Variants in CD163 observed in about 807,000 individuals in gnomAD.
CD163 encodes the protein CD163 molecule.
CD163 carries 64 observed loss-of-function variants against 129.2 expected under a neutral mutation model. The observed-to-expected ratio is 0.50, with a 90% CI of 0.41 to 0.61. The LOEUF (loss-of-function observed/expected upper bound fraction) is 0.61, where lower values mean the gene tolerates loss of function less well. Ranked by LOEUF, CD163 falls within the 20% of genes least tolerant of loss-of-function variation. The probability of loss-of-function intolerance (pLI) is 0.00; values close to 1 mark genes in which losing one functional copy is unlikely to be tolerated. For missense variants in CD163, 1,061 were observed against 1,377.9 expected (o/e 0.77, Z 3.64); for synonymous variants, 446 against 478.5 (o/e 0.93, Z 0.89).
intron 4 of CD163, among the ~76,000 whole-genome samples, chr12:7,497,805 T>C (rs1949422950): frequency 6.6e-6 from 1 of 152,204 alleles, no homozygotes; most frequent in Admixed American, 6.5e-5. Flanking sequence ...ACTGGGGGCC[T>C]AGAGAAATGT....
At chr12:7,476,538 A>C (rs1019334940) in intron 16 of CD163, among the ~76,000 whole-genome samples, 2 of 152,240 alleles carry the variant, frequency 1.3e-5, no homozygotes, top group African/African-American at 4.8e-5. Flanking sequence ...AACCATATGC[A>C]GAAAACAGAA....
chr12:7,503,026 A>G (rs1362603210), intron 1 of CD163, among the ~76,000 whole-genome samples: 1 of 152,184 alleles, frequency 6.6e-6, no homozygotes, highest in African/African-American at 2.4e-5. Context: ...AATTATATCT[A>G]TCATGTTCAC....
chr12:7,493,271 G>C (rs763987051), intron 6 of CD163, among the ~76,000 whole-genome samples: 2 of 152,254 alleles, frequency 1.3e-5, no homozygotes, highest in East Asian at 3.9e-4. Context: ...GTGCCAGGAA[G>C]AACTGCCCTG....
rs186899245 is a variant in CD163 at position 7,471,044 on chromosome 12, A to G, written c.*385T>C. The G allele has an allele frequency of 1.1e-4, 17 of 152,290 alleles. No homozygotes were observed. Among genetic ancestry groups the G allele is most frequent in the Admixed American group, 1.1e-3 (17 of 15,296 alleles). 9.4% of individuals were successfully genotyped at this position (152,290 alleles called of 1,614,324 possible). On this transcript the variant is annotated 3_prime_UTR_variant, in exon 17 of 17. Coordinates refer to ENST00000432237, the MANE Select transcript of CD163 (RefSeq NM_203416.4). ...TCAAACCAAATAAGAAAAAATATAC[A>G]GTACTGTATATGCAAATTGAAACAC...
rs757500485 is a variant in CD163, at chr12:7,482,691, C to T, written c.3199G>A (p.Ala1067Thr). Residue 1067 changes from alanine (A) to threonine (T), a missense_variant, in exon 14 of 17, where the codon GCA becomes ACA. Physicochemically the swap from Ala to Thr is moderately conservative, Grantham distance 58. Coordinates refer to ENST00000432237, the MANE Select transcript of CD163 (RefSeq NM_203416.4). ...CGCTTTTTAGTCAAGAAGAATAATG[C>T]GACGAAAATGGCCAACAGAACAACC... ...LGVVLLAIFV[A>T]LFFLTKKRRQ... The T allele has an allele frequency of 3.1e-5, 50 of 1,614,026 alleles. 1 individual carries two copies. In the South Asian group the frequency reaches 3.7e-4, roughly 12 times the overall value.
Position 7,487,077 on chromosome 12 carries a change from G to T in CD163, c.2051-91C>A. The T allele has an allele frequency of 2.0e-6, 2 of 1,015,222 alleles. No individual in the cohort carries two copies. Among genetic ancestry groups the T allele is most frequent in the Non-Finnish European group, 3.0e-6 (2 of 671,588 alleles). The allele number at this position is 1,015,222 out of a possible 1,614,324, so 62.9% of individuals were successfully genotyped here. ...TATGGATGAGTTGAGGACAAACATAGCTTAGAGAGAGAGGGGAAGGTGGAT... is the reference window on the plus strand; with the variant it reads ...TATGGATGAGTTGAGGACAAACATATCTTAGAGAGAGAGGGGAAGGTGGAT... On this transcript the variant is annotated intron_variant, in intron 8 of 16. Transcript: ENST00000432237. This position sits in a 1 kb window ranked among gnomAD's most constrained non-coding sequence, Gnocchi z 5.1.
Position 7,487,922 on chromosome 12 carries a change from C to T in CD163, c.1586G>A (p.Gly529Glu). 6.2e-7 allele frequency: 1 copy of T among 1,613,996 alleles called. No individual in the cohort carries two copies. Among genetic ancestry groups the T allele is most frequent in the Non-Finnish European group, 8.5e-7 (1 of 1,179,992 alleles). ...LQCGTVVSILGGAHFGEGNGQ... is the reference protein window; with the variant it reads ...LQCGTVVSILEGAHFGEGNGQ... Reference sequence around the variant, plus strand: ...ATTTCCCTCTCCAAAGTGAGCTCCCCCCAGGATAGAGACAACTGTGCCACA... The same window carrying T: ...ATTTCCCTCTCCAAAGTGAGCTCCCTCCAGGATAGAGACAACTGTGCCACA... The change falls in exon 7 of 17, where the codon GGG becomes GAG. Residue 529 changes from glycine (G) to glutamate (E), a missense_variant. Gly to Glu is a moderately conservative substitution (Grantham distance 98). Transcript: ENST00000432237. The surrounding 1 kb of genome is among the most constrained non-coding windows in gnomAD (Gnocchi z 5.1).
chr12:7,496,711 T>C lies in CD163; in HGVS notation c.1099+102A>G. 6 of 925,474 alleles carry C rather than the reference T, an allele frequency of 6.5e-6. No individual in the cohort carries two copies. The highest frequency in any genetic ancestry group is 1.0e-5 in the Non-Finnish European group (6 of 590,688). 57.3% of individuals were successfully genotyped at this position (925,474 alleles called of 1,614,324 possible). On this transcript the variant is annotated intron_variant, in intron 5 of 16. Transcript: ENST00000432237. This position sits in a 1 kb window ranked among gnomAD's most constrained non-coding sequence, Gnocchi z 4.8. ...CAGCAAGGAATTTACTAGGCATTTCTACTTCTTAAGGAGCACGTTCCTACT... is the reference window on the plus strand; with the variant it reads ...CAGCAAGGAATTTACTAGGCATTTCCACTTCTTAAGGAGCACGTTCCTACT...
chr12:7,484,004 C>A (rs1441934317), intron 11 of CD163, among the ~76,000 whole-genome samples: 1 of 150,866 alleles, frequency 6.6e-6, no homozygotes, highest in Non-Finnish European at 1.5e-5. Flanking sequence ...CCACACCCGG[C>A]TAATTTTTTG....
chr12:7,490,706 T>C (rs1261888665), intron 6 of CD163, among the ~76,000 whole-genome samples: 3 of 151,998 alleles, frequency 2.0e-5, no homozygotes, highest in Non-Finnish European at 4.4e-5. Flanking sequence ...AAAAATGTCT[T>C]AGAAAATGTT....
intron 3 of CD163, 98 bp downstream of exon 3, chr12:7,501,041 G>C: frequency 1.0e-6 from 1 of 956,834 alleles, no homozygotes; most frequent in Non-Finnish European, 1.6e-6. Context: ...GAACTAGATT[G>C]CTTACAGGAA....
rs779982351 is a variant in CD163 at position 7,471,127 on chromosome 12, C to T, written c.*302G>A. 6.6e-6 allele frequency: 1 copy of T among 151,976 alleles called. No homozygotes were observed. The highest frequency in any genetic ancestry group is 1.5e-5 in the Non-Finnish European group (1 of 67,988). 9.4% of individuals were successfully genotyped at this position (151,976 alleles called of 1,614,324 possible). A position where few individuals can be genotyped will look rare whatever the true frequency, so the allele number is the denominator to read the frequency against. Reference sequence around the variant, plus strand: ...AAACTCTACAAAAAATTAGGAAGCCCATTTAGAAATTAATAGAATTAAGGA... The same window carrying T: ...AAACTCTACAAAAAATTAGGAAGCCTATTTAGAAATTAATAGAATTAAGGA... On this transcript the variant is annotated 3_prime_UTR_variant, in exon 17 of 17. Transcript: ENST00000432237.
At chr12:7,490,242 G>A (rs1288832953) in intron 6 of CD163, among the ~76,000 whole-genome samples, 1 of 151,970 alleles carries the variant, frequency 6.6e-6, no homozygotes, top group Non-Finnish European at 1.5e-5. Flanking sequence ...CAAATACACA[G>A]TGTGTGAAAC....
chr12:7,490,472 C>A (rs778548634), intron 6 of CD163, among the ~76,000 whole-genome samples: 1 of 152,070 alleles, frequency 6.6e-6, no homozygotes, highest in South Asian at 2.1e-4. Flanking sequence ...TTAAGAGATA[C>A]AAACTATTTC....
At chr12:7,472,930 A>G (rs575911859) in intron 16 of CD163, among the ~76,000 whole-genome samples, 1 of 152,230 alleles carries the variant, frequency 6.6e-6, no homozygotes, top group Non-Finnish European at 1.5e-5. Flanking sequence ...TGAAGTATAC[A>G]CAAGTATCAA....
At chr12:7,494,095 G>A (rs1487075391) in intron 6 of CD163, among the ~76,000 whole-genome samples, 5 of 152,134 alleles carry the variant, frequency 3.3e-5, no homozygotes, top group Admixed American at 3.3e-4. Flanking sequence ...AGATTTGTTT[G>A]TATTTTCTTG....
At chr12:7,483,081 C>T (rs1450523722) in intron 12 of CD163, 77 bp from the exon 13 acceptor site, 2 of 1,376,578 alleles carry the variant, frequency 1.5e-6, no homozygotes, top group South Asian at 1.2e-5. Flanking sequence ...CCTTGTCTGA[C>T]CCCTTAGTAC....
intron 3 of CD163, among the ~76,000 whole-genome samples, chr12:7,500,421 CAAAA>C (rs71953455): frequency 1.6e-5 from 1 of 64,104 alleles, no homozygotes; most frequent in Non-Finnish European, 3.1e-5. Flanking sequence ...CAATTCGTCC[CAAAA>C]AAAAAAAAAA....
At chr12:7,483,852 T>TTA (rs1949204217) in intron 11 of CD163, among the ~76,000 whole-genome samples, 177 bp from the exon 12 acceptor site, 1 of 139,736 alleles carries the variant, frequency 7.2e-6, no homozygotes, top group Admixed American at 7.1e-5. Flanking sequence ...TTTTTTTTTT[T>TTA]TTTTTTGAGA....
Sources: gnomAD v4.1 joint callset for allele counts (sites outside exome capture counted in the v4.1 genomes callset) on GRCh38, gnomAD v4.1.1 for gene constraint, Gnocchi (gnomAD v3.1) non-coding constraint, MANE v1.5 for transcripts, NCBI Gene and HGNC (gene_info 2026-07-23, HGNC 2026-07-21) for gene names.